FAAH2: variants seen among roughly 807,000 people sequenced by gnomAD.
FAAH2 encodes the protein fatty-acid amide hydrolase 2.
Under a neutral mutation model 36.9 loss-of-function variants are expected in FAAH2, and 60 were observed. The ratio of observed to expected loss-of-function variants is 1.63; its 90% confidence interval spans 1.32 to 2.02. FAAH2 has a LOEUF of 2.02. Among genes scored for constraint, FAAH2 ranks in the 30% most tolerant of loss-of-function variants. The probability of loss-of-function intolerance (pLI) is 0.00; values close to 1 mark genes in which losing one functional copy is unlikely to be tolerated. For missense variants in FAAH2, 689 were observed against 397.5 expected, an observed-to-expected ratio of 1.73 and a Z score of -6.23; for synonymous variants, 214 against 143.8, an observed-to-expected ratio of 1.49 and a Z score of -3.49.
At chrX:57,266,195 C>T in the FAAH2 span, among the ~76,000 whole-genome samples, 6 of 111,820 alleles carry the variant, frequency 5.4e-5, no homozygotes, top group Admixed American at 5.6e-4. Flanking sequence ...CCACCTCCTA[C>T]AGGTGTGTTC....
At chrX:57,318,971 C>A (rs1054780310) in intron 3 of FAAH2, among the ~76,000 whole-genome samples, 2 of 111,535 alleles carry the variant, frequency 1.8e-5, no homozygotes, top group Admixed American at 9.6e-5. Flanking sequence ...AATTCAACAC[C>A]CTTTCATGCT....
chrX:57,226,867 C>T, the FAAH2 span, among the ~76,000 whole-genome samples: 3 of 111,356 alleles, frequency 2.7e-5, no homozygotes, highest in Non-Finnish European at 5.7e-5. Flanking sequence ...TTTTCTTTGT[C>T]TTTGTTGGAT....
At chrX:57,434,525 A>C (rs2056370290) in intron 8 of FAAH2, among the ~76,000 whole-genome samples, 1 of 109,476 alleles carries the variant, frequency 9.1e-6, no homozygotes, top group African/African-American at 3.3e-5. Flanking sequence ...GGGTTACAAA[A>C]ACATTCCAAA....
the FAAH2 span, among the ~76,000 whole-genome samples, chrX:57,240,415 C>T: frequency 2.7e-5 from 3 of 111,819 alleles, no homozygotes; most frequent in African/African-American, 9.7e-5. Flanking sequence ...GGCCAAGGTG[C>T]TCCCTGTCTG....
rs565871447 is a variant in FAAH2, at chrX:57,486,408, T to A, written c.1424-2349T>A. 4.5e-5 allele frequency among the ~76,000 whole-genome samples: 5 copies of A among 111,169 alleles called. No individual in the cohort carries two copies. In the South Asian group the frequency reaches 1.5e-3, roughly 34 times the overall value. ...CCTGGAAAAGGCTCAAGGAGAGAAA[T>A]GACATTACATAAGGAAGCTGGCTAG... is the stretch of plus-strand genomic sequence containing the variant. On this transcript the variant is annotated intron_variant, in intron 10 of 10. Coordinates refer to ENST00000374900, the MANE Select transcript of FAAH2 (RefSeq NM_174912.4).
the FAAH2 span, among the ~76,000 whole-genome samples, chrX:57,165,551 G>A: frequency 9.2e-6 from 1 of 108,959 alleles, no homozygotes; most frequent in African/African-American, 3.3e-5. Context: ...GGGGTTGGGG[G>A]AGGGTGGAGG....
chrX:57,345,318 G>T (rs1195353055), intron 5 of FAAH2, among the ~76,000 whole-genome samples: 1 of 109,454 alleles, frequency 9.1e-6, no homozygotes, highest in Admixed American at 9.8e-5. Context: ...TTCGAAGCTT[G>T]TTATTTGTCT....
the FAAH2 span, among the ~76,000 whole-genome samples, chrX:57,224,754 G>A: frequency 8.9e-6 from 1 of 112,144 alleles, no homozygotes; most frequent in Non-Finnish European, 1.9e-5. Flanking sequence ...GCCATTTTAG[G>A]CCTCAGCCCG....
chrX:57,139,765 T>C, the FAAH2 span, among the ~76,000 whole-genome samples: 1 of 111,944 alleles, frequency 8.9e-6, no homozygotes, highest in African/African-American at 3.3e-5. Flanking sequence ...CATAGGTTTA[T>C]AGTATAATTT....
intron 7 of FAAH2, 38 bp downstream of exon 7, chrX:57,381,067 G>A (rs367704374): frequency 3.0e-6 from 3 of 1,005,421 alleles, no homozygotes; most frequent in African/African-American, 1.9e-5. Context: ...ATTATTTTTA[G>A]TCAAAGAGAT....
At chrX:57,288,020 G>A (rs1417409033) in intron 1 of FAAH2, among the ~76,000 whole-genome samples, 3 of 111,342 alleles carry the variant, frequency 2.7e-5, no homozygotes, top group Non-Finnish European at 5.7e-5. Context: ...AGTTAGGGAG[G>A]CAATGGGATG....
At chrX:57,163,353 A>G in the FAAH2 span, among the ~76,000 whole-genome samples, 5 of 112,181 alleles carry the variant, frequency 4.5e-5, no homozygotes, top group South Asian at 1.1e-3. Flanking sequence ...AGCCTACAGA[A>G]GCAGGCAGGC....
At chrX:57,416,608 A>G (rs1046895671) in intron 7 of FAAH2, among the ~76,000 whole-genome samples, 2 of 111,876 alleles carry the variant, frequency 1.8e-5, no homozygotes, top group Non-Finnish European at 3.8e-5. Flanking sequence ...AGTTTGTGTG[A>G]TGGGCTTCTT....
chrX:57,425,663 T>A (rs2056144173), intron 7 of FAAH2, among the ~76,000 whole-genome samples: 1 of 111,769 alleles, frequency 8.9e-6, no homozygotes, highest in African/African-American at 3.2e-5. Flanking sequence ...GAACAAATGC[T>A]GAGTGAATTT....
chrX:57,260,856 ACACT>A, the FAAH2 span, among the ~76,000 whole-genome samples: 41 of 111,478 alleles, frequency 3.7e-4, no homozygotes, highest in Admixed American at 9.6e-4. Context: ...ATAATATATC[ACACT>A]CACAAGGCGG....
chrX:57,281,143 A>G, the FAAH2 span, among the ~76,000 whole-genome samples: 1 of 111,874 alleles, frequency 8.9e-6, no homozygotes, highest in Non-Finnish European at 1.9e-5. Flanking sequence ...TATATTAACT[A>G]CAGTATTCTC....
chrX:57,481,539 G>A (rs2057379348), intron 10 of FAAH2, among the ~76,000 whole-genome samples: 1 of 112,018 alleles, frequency 8.9e-6, no homozygotes, highest in Non-Finnish European at 1.9e-5. Flanking sequence ...GTCCAATCCA[G>A]ACCCTGTTCT....
the FAAH2 span, among the ~76,000 whole-genome samples, chrX:57,125,516 A>T: frequency 0.011 from 1,284 of 111,726 alleles, 56 homozygotes; most frequent in Admixed American, 0.11. Context: ...TGAGCATCAA[A>T]GTCTTTCAGT....
intron 7 of FAAH2, among the ~76,000 whole-genome samples, chrX:57,419,167 A>G (rs1420655374): frequency 1.8e-5 from 2 of 110,639 alleles, no homozygotes; most frequent in South Asian, 7.7e-4. Flanking sequence ...GAATAGTGCC[A>G]CAATAAACAT....
Sources: gnomAD v4.1 joint callset for allele counts (sites outside exome capture counted in the v4.1 genomes callset) on GRCh38, gnomAD v4.1.1 for gene constraint, MANE v1.5 for transcripts, NCBI Gene and HGNC (gene_info 2026-07-23, HGNC 2026-07-21) for gene names.